The following PHRF1 variants were observed in gnomAD, a reference collection of about 807,000 sequenced individuals.
The protein encoded by PHRF1 is PHD and RING finger domain-containing protein 1.
A neutral mutation model predicts 128.9 loss-of-function variants in PHRF1; 53 were observed. That is an observed-to-expected ratio of 0.41 (90% confidence interval 0.33 to 0.52). The LOEUF is 0.52. Among genes scored for constraint, PHRF1 ranks in the 20% least tolerant of loss-of-function variants. The pLI is 0.21. For missense variants in PHRF1, 2,503 were observed against 2,284.5 expected (o/e 1.10, Z -1.95); for synonymous variants, 1,178 against 980.6 (o/e 1.20, Z -3.76).
At chr11:598,283 T>C in intron 8 of PHRF1, 90 bp from the exon 9 acceptor site, 19 of 1,465,360 alleles carry the variant, frequency 1.3e-5, no homozygotes, top group Non-Finnish European at 1.6e-5. Context: ...TGGCTGCCAT[T>C]GTGGGCTGTG....
chr11:585,060 G>A (rs1854448558), intron 3 of PHRF1, among the ~76,000 whole-genome samples: 1 of 152,290 alleles, frequency 6.6e-6, no homozygotes, highest in East Asian at 1.9e-4. Context: ...TAAACATGAA[G>A]AAGTAGCCAG....
chr11:589,235 A>G (rs1289902513), intron 4 of PHRF1, among the ~76,000 whole-genome samples: 2 of 152,240 alleles, frequency 1.3e-5, no homozygotes, highest in Admixed American at 6.5e-5. Flanking sequence ...GTGTTTAGAA[A>G]TAAGTCATAA....
intron 6 of PHRF1, among the ~76,000 whole-genome samples, chr11:594,547 T>C (rs1855173351): frequency 6.6e-6 from 1 of 152,204 alleles, no homozygotes; most frequent in African/African-American, 2.4e-5. Context: ...CACTGCAACC[T>C]CGGTTCAAGG....
In PHRF1 at chr11:608,502, C is replaced by T. The variant is rs750544964; in HGVS notation, c.3046C>T (p.Arg1016Trp). 10 of 1,611,794 alleles carry T rather than the reference C, an allele frequency of 6.2e-6. No homozygotes were observed. The highest frequency in any genetic ancestry group is 1.3e-5 in the African/African-American group (1 of 74,498). Residue 1016 changes from arginine (R) to tryptophan (W), a missense_variant, in exon 14 of 18, where the codon CGG becomes TGG. By Grantham distance (101) the Arg-to-Trp change is moderately radical. Coordinates refer to ENST00000264555, the MANE Select transcript of PHRF1 (RefSeq NM_001286581.2). ...KRKRVSREHG[R>W]TRSGTRSESR... ...GAAGAGGGTGTCCAGGGAGCACGGA[C>T]GGACGCGCTCTGGGACGCGCTCTGA...
At chr11:580,536 G>A (rs1183589158) in intron 1 of PHRF1, among the ~76,000 whole-genome samples, 1 of 152,212 alleles carries the variant, frequency 6.6e-6, no homozygotes, top group Non-Finnish European at 1.5e-5. Flanking sequence ...TGCGGTCAGA[G>A]GAGCCTCCAG....
Position 609,038 on chromosome 11 carries a change from G to T in PHRF1, c.3582G>T (p.Arg1194Ser). Residue 1194 changes from arginine (R) to serine (S), a missense_variant, in exon 14 of 18, where the codon AGG (arginine) becomes AGT (serine). Transcript: ENST00000264555. ...WPQTRSHSPE[R>S]KGAVREASPA... ...AGACCCGGTCCCATTCCCCAGAGAG[G>T]AAGGGGGCTGTGAGGGAGGCTTCCC... is the stretch of plus-strand genomic sequence containing the variant. 11 of 1,594,904 alleles carry T rather than the reference G, an allele frequency of 6.9e-6. No homozygotes were observed. The highest frequency in any genetic ancestry group is 8.5e-6 in the Non-Finnish European group (10 of 1,171,408).
intron 4 of PHRF1, among the ~76,000 whole-genome samples, chr11:588,144 T>G (rs1053314633): frequency 1.3e-5 from 2 of 152,088 alleles, no homozygotes. Flanking sequence ...TGTCCCCGGC[T>G]CTCTTCAGGA....
At chr11:602,581 G>A (rs1031996131) in intron 10 of PHRF1, among the ~76,000 whole-genome samples, 2 of 151,860 alleles carry the variant, frequency 1.3e-5, no homozygotes, top group Non-Finnish European at 1.5e-5. Flanking sequence ...TCAGGAGGCT[G>A]AGGCAGGAGA....
At chr11:586,941 GGCCCCAGGGCTGCCCT>G (rs1313090344) in intron 3 of PHRF1, among the ~76,000 whole-genome samples, 1 of 152,188 alleles carries the variant, frequency 6.6e-6, no homozygotes, top group Non-Finnish European at 1.5e-5. Context: ...ACCTGTGCTA[GGCCCCAGGGCTGCCCT>G]GCCTCTCGAG....
At chr11:604,170 AGCCTGGG>A (rs1855811615) in intron 10 of PHRF1, among the ~76,000 whole-genome samples, 1 of 152,184 alleles carries the variant, frequency 6.6e-6, no homozygotes, top group African/African-American at 2.4e-5. Context: ...GGGTGCCCTG[AGCCTGGG>A]TTGGAACCTC....
chr11:603,047 A>G (rs1855734084), intron 10 of PHRF1, among the ~76,000 whole-genome samples: 1 of 151,438 alleles, frequency 6.6e-6, no homozygotes, highest in African/African-American at 2.4e-5. Flanking sequence ...GGAGTGAGCC[A>G]CCGTGCCCAG....
chr11:607,000 A>ATT, intron 13 of PHRF1, 66 bp from the exon 14 acceptor site: 1 of 1,514,768 alleles, frequency 6.6e-7, no homozygotes, highest in Non-Finnish European at 8.8e-7. Flanking sequence ...TGTGATAAAA[A>ATT]TTAAACCACT....
intron 1 of PHRF1, among the ~76,000 whole-genome samples, chr11:580,213 A>G (rs1385987849): frequency 1.3e-5 from 2 of 152,164 alleles, no homozygotes; most frequent in African/African-American, 4.8e-5. Context: ...GTCGCCTGGG[A>G]AACAAGGTCA....
Position 598,267 on chromosome 11 carries a change from C to T in PHRF1, c.895-106C>T, listed in dbSNP as rs1442486696. 7 of 1,401,894 alleles carry T rather than the reference C, an allele frequency of 5.0e-6. No homozygotes were observed. The African/African-American group carries it at 8.8e-5, about 18-fold the overall frequency. 86.8% of individuals were successfully genotyped at this position (1,401,894 alleles called of 1,614,324 possible). ...AGTGGCGGGTGGGGAGGCTGTCCTG[C>T]TTCTCTGGCTGCCATTGTGGGCTGT... On this transcript the variant is annotated intron_variant, in intron 8 of 17. Transcript: ENST00000264555.
At chr11:591,321 G>T (rs1854956288) in intron 4 of PHRF1, 63 bp from the exon 5 acceptor site, 8 of 1,425,472 alleles carry the variant, frequency 5.6e-6, no homozygotes, top group East Asian at 2.5e-5. Context: ...CAGTGTAAAA[G>T]AATTTTTGAT....
chr11:598,502 A>G lies in PHRF1; in HGVS notation c.1024A>G (p.Arg342Gly). 4 of 1,607,182 alleles carry G rather than the reference A, an allele frequency of 2.5e-6. No individual in the cohort carries two copies. Among genetic ancestry groups the G allele is most frequent in the Non-Finnish European group, 3.4e-6 (4 of 1,178,786 alleles). Residue 342 changes from arginine (R) to glycine (G), a missense_variant and splice_region_variant, in exon 9 of 18, where the codon AGA becomes GGA. Arg to Gly is a moderately radical substitution (Grantham distance 125, BLOSUM62 -2). Coordinates refer to ENST00000264555, the MANE Select transcript of PHRF1 (RefSeq NM_001286581.2). Reference protein sequence around the residue: ...RTPARRKRKTRRRKKVPGRKK... With the variant: ...RTPARRKRKTGRRKKVPGRKK... ...TCCCGCCCGACGGAAGAGGAAGACA[A>G]GTAAGCCTGAAGGGATGGACTCTCC...
rs764662939 is a variant in PHRF1 at position 601,579 on chromosome 11, C to G, written c.1030C>G (p.Arg344Gly). ...PARRKRKTRR[R>G]KKVPGRKKTP... is the part of the protein sequence containing the mutation. ...CTTCAACCTCTTTTCCTTAGGAAGACGGAAGAAAGTGCCGGGAAGAAAGAA... is the reference window on the plus strand; with the variant it reads ...CTTCAACCTCTTTTCCTTAGGAAGAGGGAAGAAAGTGCCGGGAAGAAAGAA... The change falls in exon 10 of 18, where the codon CGG becomes GGG. Residue 344 changes from arginine (R) to glycine (G), a missense_variant. Coordinates refer to ENST00000264555, the MANE Select transcript of PHRF1 (RefSeq NM_001286581.2). The G allele has an allele frequency of 3.7e-6, 6 of 1,613,622 alleles. No homozygotes were observed. In the South Asian group the frequency reaches 6.6e-5, roughly 18 times the overall value.
rs373005672 is a variant in PHRF1 at position 605,370 on chromosome 11, C to T, written c.1334+70C>T. The T allele has an allele frequency of 5.5e-5, 87 of 1,573,412 alleles. No homozygotes were observed. In the African/African-American group the frequency reaches 7.9e-4, roughly 14 times the overall value. On this transcript the variant is annotated intron_variant, in intron 11 of 17. Transcript: ENST00000264555. ...CCTGGGGGCTGTGGGCACGGGGCCC[C>T]GAGGTGCATGCGGAGGCGTTAGGTT... is the stretch of plus-strand genomic sequence containing the variant.
intron 1 of PHRF1, among the ~76,000 whole-genome samples, chr11:581,291 T>TGACACTGG (rs886923363): frequency 6.6e-6 from 1 of 151,986 alleles, no homozygotes; most frequent in Non-Finnish European, 1.5e-5. Flanking sequence ...GCGGTGGATG[T>TGACACTGG]GACACTGGGA....
Sources: allele counts gnomAD v4.1 joint callset (sites outside exome capture counted in the v4.1 genomes callset), GRCh38; gene constraint gnomAD v4.1.1; transcripts MANE v1.5; gene names NCBI Gene and HGNC (gene_info 2026-07-23, HGNC 2026-07-21).